Variants in CDH23 observed in about 807,000 individuals in gnomAD.
CDH23 encodes cadherin related 23.
A neutral mutation model predicts 317.1 loss-of-function variants in CDH23; 189 were observed. The observed-to-expected ratio is 0.60, with a 90% CI of 0.53 to 0.67. The LOEUF (loss-of-function observed/expected upper bound fraction) is 0.67. Ranked by LOEUF, CDH23 falls within the 30% of genes least tolerant of loss-of-function variation. The probability of loss-of-function intolerance (pLI) is 0.00; values close to 1 mark genes in which losing one functional copy is unlikely to be tolerated. For synonymous variants in CDH23, 1,839 were observed against 1,876.8 expected (o/e 0.98, Z 0.52); for missense variants, 4,401 against 4,592.4 (o/e 0.96, Z 1.20).
At position 71,706,905 on chromosome 10, in the gene CDH23, G is replaced by A. The variant is rs370586099; in HGVS notation, c.2962G>A (p.Val988Met). 1.9e-6 allele frequency: 3 copies of A among 1,600,456 alleles called. No individual in the cohort carries two copies. The highest frequency in any genetic ancestry group is 1.7e-4 in the Middle Eastern group (1 of 6,058). ...TSTLTIHVLDVNDETPTFFPA... is the reference protein window; with the variant it reads ...TSTLTIHVLDMNDETPTFFPA... The stretch of plus-strand genomic sequence containing the variant: ...CCCGTTCTGCCCCGCAGTGCTGGAT[G>A]TGAACGACGAGACGCCCACCTTCTT... Residue 988 changes from valine to methionine, a missense_variant, in exon 26 of 70, where the codon GTG becomes ATG. Around this residue, in one of 3 missense-constraint regions of CDH23, gnomAD observed 3,068 missense variants for 3,203.3 expected, o/e 0.96. Transcript: ENST00000224721.
At chr10:71,708,752 T>G (rs970970337) in intron 26 of CDH23, among the ~76,000 whole-genome samples, 8 of 152,184 alleles carry the variant, frequency 5.3e-5, no homozygotes, top group African/African-American at 9.7e-5. Context: ...GGGTGAAGGA[T>G]AAGCCCAGGG....
intron 9 of CDH23, among the ~76,000 whole-genome samples, chr10:71,606,397 A>G (rs1022089261): frequency 6.6e-6 from 1 of 152,108 alleles, no homozygotes; most frequent in Non-Finnish European, 1.5e-5. Flanking sequence ...TGGAATTACT[A>G]ATTGGCTGAT....
At chr10:71,464,266 TG>T (rs1291166111) in intron 3 of CDH23, among the ~76,000 whole-genome samples, 1 of 152,224 alleles carries the variant, frequency 6.6e-6, no homozygotes, top group African/African-American at 2.4e-5. Context: ...TATACATTAT[TG>T]CATCAGATCT....
chr10:71,646,142 G>A (rs1862845348), intron 13 of CDH23, among the ~76,000 whole-genome samples, 162 bp downstream of exon 13: 3 of 152,186 alleles, frequency 2.0e-5, no homozygotes, highest in Admixed American at 2.0e-4. Context: ...CAGGGGCCGG[G>A]CTGAGTCTCC....
intron 6 of CDH23, among the ~76,000 whole-genome samples, chr10:71,525,297 C>T (rs555515496): frequency 1.3e-5 from 2 of 152,218 alleles, no homozygotes; most frequent in South Asian, 2.1e-4. Flanking sequence ...TAAGCCACTA[C>T]GTATGTAGTA....
intron 19 of CDH23, among the ~76,000 whole-genome samples, chr10:71,689,140 GGGGTGGT>G (rs1865077809): frequency 3.2e-4 from 14 of 43,820 alleles, no homozygotes; most frequent in East Asian, 9.0e-4. Flanking sequence ...GGTGGAGCCA[GGGGTGGT>G]GGAGTCAGGG....
At chr10:71,747,661 C>T in intron 38 of CDH23, 1 of 152,358 alleles carries the variant, frequency 6.6e-6, no homozygotes, top group Non-Finnish European at 1.5e-5. Flanking sequence ...CCAGGATTTT[C>T]AGGGAAGGGG....
chr10:71,704,527 C>T (rs568249896), intron 24 of CDH23, among the ~76,000 whole-genome samples: 5 of 152,280 alleles, frequency 3.3e-5, no homozygotes, highest in East Asian at 3.9e-4. Context: ...CAGCCTTCTA[C>T]GTGGTTGAAC....
chr10:71,411,380 C>A (rs555579043), intron 1 of CDH23, among the ~76,000 whole-genome samples: 1 of 151,764 alleles, frequency 6.6e-6, no homozygotes, highest in Non-Finnish European at 1.5e-5. Context: ...TTATGTTTTT[C>A]GATACTATTG....
At chr10:71,565,606 G>T (rs1857353670) in intron 6 of CDH23, among the ~76,000 whole-genome samples, 6 of 152,108 alleles carry the variant, frequency 3.9e-5, no homozygotes, top group Admixed American at 2.0e-4. Flanking sequence ...ACACCTCCCT[G>T]CCCCACCCTT....
At chr10:71,697,917 G>C (rs904613916) in intron 22 of CDH23, among the ~76,000 whole-genome samples, 3 of 152,298 alleles carry the variant, frequency 2.0e-5, no homozygotes, top group Admixed American at 6.5e-5. Flanking sequence ...GGAGATTTTT[G>C]GTGCCCCAGG....
chr10:71,574,789 G>C (rs1430084388), intron 8 of CDH23, among the ~76,000 whole-genome samples: 1 of 152,148 alleles, frequency 6.6e-6, no homozygotes, highest in African/African-American at 2.4e-5. Flanking sequence ...CACTGCCCGG[G>C]CCTCAGAGGC....
chr10:71,706,764 AGATGCCACTTG>A, intron 25 of CDH23, 122 bp from the exon 26 acceptor site: 1 of 1,431,928 alleles, frequency 7.0e-7, no homozygotes, highest in Non-Finnish European at 9.3e-7. Flanking sequence ...GTGTTGACAC[AGATGCCACTTG>A]GAGCCCGTGA....
intron 3 of CDH23, among the ~76,000 whole-genome samples, chr10:71,501,459 G>A (rs916160864): frequency 5.3e-5 from 8 of 152,130 alleles, no homozygotes; most frequent in African/African-American, 1.9e-4. Context: ...CAGTGAGGGC[G>A]TCGATCAGTG....
intron 7 of CDH23, among the ~76,000 whole-genome samples, chr10:71,568,140 C>T (rs193073191): frequency 9.2e-4 from 140 of 152,360 alleles, no homozygotes; most frequent in African/African-American, 3.1e-3. Context: ...GGCCCAGTGG[C>T]TGTGGGGAGG....
intron 11 of CDH23, among the ~76,000 whole-genome samples, chr10:71,640,246 A>C (rs937549397): frequency 2.6e-5 from 4 of 152,038 alleles, no homozygotes; most frequent in Admixed American, 2.0e-4. Flanking sequence ...TCAGTCCCTC[A>C]CTGTTGACCT....
chr10:71,588,758 C>T (rs1447339384), intron 9 of CDH23, among the ~76,000 whole-genome samples: 2 of 152,190 alleles, frequency 1.3e-5, no homozygotes, highest in Non-Finnish European at 2.9e-5. Context: ...TCTAACTGCC[C>T]TGCCAGCTCT....
At chr10:71,792,118 A>G (rs1358405772) in intron 47 of CDH23, among the ~76,000 whole-genome samples, 3 of 152,250 alleles carry the variant, frequency 2.0e-5, no homozygotes, top group African/African-American at 7.2e-5. Context: ...AAAGTAGCCC[A>G]GAAACAGATA....
At chr10:71,801,604 C>T (rs1841560978) in intron 53 of CDH23, among the ~76,000 whole-genome samples, 1 of 152,136 alleles carries the variant, frequency 6.6e-6, no homozygotes, top group Non-Finnish European at 1.5e-5. Flanking sequence ...CAAGGTTTTG[C>T]TTCCTCTTTC....
Sources: gnomAD v4.1 joint callset for allele counts (sites outside exome capture counted in the v4.1 genomes callset) on GRCh38, gnomAD v4.1.1 for gene constraint, gnomAD v4.1.1 regional missense constraint, MANE v1.5 for transcripts, NCBI Gene and HGNC (gene_info 2026-07-23, HGNC 2026-07-21) for gene names.